PDE8B: variants seen among roughly 807,000 people sequenced by gnomAD.
The protein encoded by PDE8B is high affinity cAMP-specific and IBMX-insensitive 3',5'-cyclic phosphodiesterase 8B.
PDE8B carries 26 observed loss-of-function variants against 101.3 expected under a neutral mutation model. The ratio of observed to expected loss-of-function variants is 0.26; its 90% CI spans 0.19 to 0.36. PDE8B has a LOEUF of 0.36. Ranked by LOEUF, PDE8B falls within the 10% of genes least tolerant of loss-of-function variation. The pLI, the probability that PDE8B is intolerant of heterozygous loss-of-function variation, is 1.00. For missense variants in PDE8B, 810 were observed against 1,163.1 expected, an observed-to-expected ratio of 0.70 and a Z score of 4.42; for synonymous variants, 424 against 429.3, an observed-to-expected ratio of 0.99 and a Z score of 0.15.
the PDE8B span, among the ~76,000 whole-genome samples, chr5:77,196,574 T>C: frequency 6.6e-6 from 1 of 152,224 alleles, no homozygotes; most frequent in African/African-American, 2.4e-5. Flanking sequence ...ATTCTATTTC[T>C]GGAGGTTTGG....
intron 10 of PDE8B, chr5:77,358,437 A>T: frequency 3.0e-6 from 3 of 985,278 alleles, no homozygotes; most frequent in Non-Finnish European, 3.6e-6. Flanking sequence ...TTGGATCATT[A>T]ATCTTATGCT....
At chr5:77,151,139 G>A in the PDE8B span, 3 of 152,258 alleles carry the variant, frequency 2.0e-5, no homozygotes, top group East Asian at 5.8e-4. Context: ...CCATGTAACA[G>A]GGTTCTGGCA....
At chr5:77,326,303 G>A (rs1319052923) in intron 3 of PDE8B, among the ~76,000 whole-genome samples, 1 of 152,160 alleles carries the variant, frequency 6.6e-6, no homozygotes, top group Non-Finnish European at 1.5e-5. Flanking sequence ...TAAATGCTCA[G>A]TCATAAGAGT....
chr5:77,328,667 A>T (rs1776517695), intron 3 of PDE8B, among the ~76,000 whole-genome samples: 1 of 152,216 alleles, frequency 6.6e-6, no homozygotes, highest in African/African-American at 2.4e-5. Flanking sequence ...GGATTGTAGG[A>T]CTGCCAATTT....
intron 10 of PDE8B, among the ~76,000 whole-genome samples, chr5:77,392,376 G>A (rs1790123490): frequency 6.6e-6 from 1 of 152,092 alleles, no homozygotes; most frequent in Non-Finnish European, 1.5e-5. Flanking sequence ...AAGAACAGAA[G>A]CCCTGTCTGT....
chr5:77,173,313 C>T, the PDE8B span, among the ~76,000 whole-genome samples: 20 of 152,244 alleles, frequency 1.3e-4, no homozygotes, highest in East Asian at 3.9e-3. Flanking sequence ...GCTTGTTTGG[C>T]TTTTTTGGCC....
At chr5:77,243,313 G>A (rs1166885322) in intron 1 of PDE8B, among the ~76,000 whole-genome samples, 1 of 152,094 alleles carries the variant, frequency 6.6e-6, no homozygotes, top group Non-Finnish European at 1.5e-5. Flanking sequence ...TTAGGAGTTA[G>A]CATTGCATTT....
chr5:77,145,640 G>C, the PDE8B span: 1 of 152,216 alleles, frequency 6.6e-6, no homozygotes, highest in Non-Finnish European at 1.5e-5. Context: ...ACTCAAGGTA[G>C]AAGGGGGCCT....
chr5:77,358,402 G>A, intron 10 of PDE8B: 3 of 981,932 alleles, frequency 3.1e-6, no homozygotes, highest in Non-Finnish European at 3.6e-6. Context: ...GAGGGAGCAG[G>A]GACACTTTTT....
At chr5:77,141,464 CT>C in the PDE8B span, 2 of 152,182 alleles carry the variant, frequency 1.3e-5, no homozygotes, top group African/African-American at 4.8e-5. Context: ...AGGTCATCTG[CT>C]TTGAATCTCA....
chr5:77,219,990 ACC>A (rs1750735266), intron 1 of PDE8B, among the ~76,000 whole-genome samples: 1 of 152,168 alleles, frequency 6.6e-6, no homozygotes. Context: ...ACGTGCACAC[ACC>A]TGCTCTAGGA....
At chr5:77,305,139 G>A (rs561713735) in intron 1 of PDE8B, among the ~76,000 whole-genome samples, 1 of 152,298 alleles carries the variant, frequency 6.6e-6, no homozygotes, top group South Asian at 2.1e-4. Flanking sequence ...CTAAACCCAA[G>A]GAGATAAAAA....
chr5:77,424,832 T>G (rs916568927), intron 20 of PDE8B, among the ~76,000 whole-genome samples: 9 of 149,930 alleles, frequency 6.0e-5, no homozygotes, highest in Non-Finnish European at 8.9e-5. Context: ...TTTTGTTTTT[T>G]GTTTTTAATG....
chr5:77,184,277 T>C, the PDE8B span, among the ~76,000 whole-genome samples: 1 of 152,256 alleles, frequency 6.6e-6, no homozygotes, highest in African/African-American at 2.4e-5. Flanking sequence ...ATATATACTT[T>C]TAAATACATA....
chr5:77,406,425 G>A (rs1387406308), intron 12 of PDE8B, among the ~76,000 whole-genome samples: 1 of 152,242 alleles, frequency 6.6e-6, no homozygotes, highest in African/African-American at 2.4e-5. Context: ...TTTTTGAGAT[G>A]GATTGAGCGG....
At chr5:77,411,810 C>T (rs571152554) in intron 15 of PDE8B, 89 bp downstream of exon 15, 25 of 1,024,994 alleles carry the variant, frequency 2.4e-5, no homozygotes, top group Non-Finnish European at 3.9e-5. Flanking sequence ...GGAGGTGTTA[C>T]TTCCAGCTAG....
At chr5:77,200,568 A>G in the PDE8B span, among the ~76,000 whole-genome samples, 1 of 151,964 alleles carries the variant, frequency 6.6e-6, no homozygotes, top group Admixed American at 6.6e-5. Flanking sequence ...TTTTTTAAAA[A>G]ATTTTGTTTT....
Position 77,331,417 on chromosome 5 carries a change from A to G in PDE8B, c.666A>G (p.Glu222=), listed in dbSNP as rs2150291854. The part of the protein sequence containing the change: ...AVVSRVSDDH[E]EASVLPLLHA... ...TTTGCTGCAGATCGGATGACCATGA[A>G]GAGGCGTCAGTCCTTCCTCTTCTCC... Residue 222 remains glutamate (E), a synonymous_variant, in exon 5 of 22, where the codon GAA becomes GAG. Coordinates refer to ENST00000264917, the MANE Select transcript of PDE8B (RefSeq NM_003719.5). The G allele has an allele frequency of 6.2e-7, 1 of 1,613,908 alleles. No homozygotes were observed. The highest frequency in any genetic ancestry group is 2.2e-5 in the East Asian group (1 of 44,880).
In PDE8B at chr5:77,246,400, T is replaced by C. The variant is rs1020875820; in HGVS notation, c.339+35136T>C. ...GAAAACAAGGGCAGAGCCTGACTTA[T>C]GTACAATTTATTGCAGGGTTCTGAA... On this transcript the variant is annotated intron_variant, in intron 1 of 21. Transcript: ENST00000264917. 6.6e-5 allele frequency among the ~76,000 whole-genome samples: 10 copies of C among 152,200 alleles called. No individual in the cohort carries two copies. In the South Asian group the frequency reaches 1.9e-3, roughly 28 times the overall value.
Sources: allele counts gnomAD v4.1 joint callset (sites outside exome capture counted in the v4.1 genomes callset), GRCh38; gene constraint gnomAD v4.1.1; transcripts MANE v1.5; gene names NCBI Gene and HGNC (gene_info 2026-07-23, HGNC 2026-07-21).